Variants in LSAMP observed in about 807,000 individuals in gnomAD.
The protein encoded by LSAMP is limbic system-associated membrane protein.
In LSAMP, 7 loss-of-function variants were observed where a neutral mutation model predicts 38.6. That is an observed-to-expected ratio of 0.18 (90% CI 0.10 to 0.34). The LOEUF (loss-of-function observed/expected upper bound fraction) is 0.34. LSAMP is among the 10% of genes least tolerant of loss of function. The pLI is 1.00. For missense variants in LSAMP, 313 were observed against 420.0 expected, an observed-to-expected ratio of 0.75 and a Z score of 2.23; for synonymous variants, 154 against 166.8, an observed-to-expected ratio of 0.92 and a Z score of 0.59.
intron 3 of LSAMP, among the ~76,000 whole-genome samples, chr3:116,013,736 A>G (rs939332499): frequency 2.6e-5 from 4 of 152,226 alleles, no homozygotes; most frequent in Non-Finnish European, 5.9e-5. Context: ...TTAAAAAGTA[A>G]AAGAAAAAGT....
At chr3:115,832,244 G>A (rs1314555523) in intron 6 of LSAMP, among the ~76,000 whole-genome samples, 3 of 152,110 alleles carry the variant, frequency 2.0e-5, no homozygotes, top group Non-Finnish European at 4.4e-5. Flanking sequence ...TTTTTATAAT[G>A]GGAAGGCAGA....
At chr3:116,192,539 T>C (rs899543364) in intron 1 of LSAMP, among the ~76,000 whole-genome samples, 24 of 152,210 alleles carry the variant, frequency 1.6e-4, no homozygotes. Context: ...ATTTTCCCTG[T>C]ATCTCCCAAT....
intron 3 of LSAMP, among the ~76,000 whole-genome samples, chr3:115,862,822 G>T (rs1391876706): frequency 2.0e-5 from 3 of 152,128 alleles, no homozygotes; most frequent in Non-Finnish European, 4.4e-5. Flanking sequence ...CTCAATCTGG[G>T]CTCAGGATTT....
intron 1 of LSAMP, among the ~76,000 whole-genome samples, chr3:116,108,638 C>T (rs1468914385): frequency 1.3e-5 from 2 of 152,278 alleles, no homozygotes; most frequent in East Asian, 1.9e-4. Flanking sequence ...GGCCAGAGTT[C>T]CAGAAGCTAT....
intron 1 of LSAMP, among the ~76,000 whole-genome samples, chr3:116,139,038 A>G (rs1709315525): frequency 1.3e-5 from 2 of 151,782 alleles, no homozygotes; most frequent in South Asian, 4.1e-4. Context: ...TGCACATTAC[A>G]TATGTATATA....
intron 1 of LSAMP, among the ~76,000 whole-genome samples, chr3:116,402,045 A>G (rs1409776299): frequency 6.6e-6 from 1 of 152,230 alleles, no homozygotes; most frequent in Non-Finnish European, 1.5e-5. Flanking sequence ...AACCCAAACT[A>G]GAAAATTCAG....
chr3:115,906,277 T>C (rs756428883), intron 3 of LSAMP, among the ~76,000 whole-genome samples: 73 of 152,176 alleles, frequency 4.8e-4, no homozygotes, highest in Non-Finnish European at 1.6e-4. Context: ...GTTTCATCTA[T>C]CTGAGACCAG....
At chr3:116,163,558 C>T (rs962099066) in intron 1 of LSAMP, among the ~76,000 whole-genome samples, 2 of 151,850 alleles carry the variant, frequency 1.3e-5, no homozygotes, top group East Asian at 1.9e-4. Context: ...GTCTTTATAG[C>T]AGCATGATTT....
At chr3:116,185,546 C>G (rs972103674) in intron 1 of LSAMP, among the ~76,000 whole-genome samples, 18 of 152,020 alleles carry the variant, frequency 1.2e-4, no homozygotes, top group African/African-American at 3.9e-4. Flanking sequence ...TTCATTTATA[C>G]TCTCCTTCAT....
rs549476129 is a variant in LSAMP at position 116,218,732 on chromosome 3, G to A, written c.156-132176C>T. On this transcript the variant is annotated intron_variant, in intron 1 of 6. Coordinates refer to ENST00000490035, the MANE Select transcript of LSAMP (RefSeq NM_002338.5). ...CAGCACACTGAAGCCTCAAATTCCT[G>A]GGCTGAAGTGAACCTCCTGATCCTT... 4.7e-4 allele frequency among the ~76,000 whole-genome samples: 72 copies of A among 152,222 alleles called. 1 individual carries two copies. The South Asian group carries it at 0.015, about 31-fold the overall frequency.
intron 1 of LSAMP, among the ~76,000 whole-genome samples, chr3:116,271,486 A>G (rs751492517): frequency 3.9e-5 from 6 of 152,122 alleles, no homozygotes; most frequent in Admixed American, 1.3e-4. Context: ...ACTTGATATA[A>G]TACTCCCAGG....
At chr3:116,357,733 G>A (rs1449262962) in intron 1 of LSAMP, among the ~76,000 whole-genome samples, 26 of 152,024 alleles carry the variant, frequency 1.7e-4, no homozygotes, top group Admixed American at 1.6e-3. Flanking sequence ...CAACCATTGA[G>A]CCCAATTATC....
chr3:116,135,416 G>C (rs1374887275), intron 1 of LSAMP, among the ~76,000 whole-genome samples: 1 of 152,150 alleles, frequency 6.6e-6, no homozygotes, highest in Non-Finnish European at 1.5e-5. Context: ...AGCTCAAGTA[G>C]GTCAGATGGA....
At chr3:115,951,157 A>T (rs1938275783) in intron 3 of LSAMP, among the ~76,000 whole-genome samples, 1 of 152,246 alleles carries the variant, frequency 6.6e-6, no homozygotes, top group South Asian at 2.1e-4. Context: ...TAAGACCTGA[A>T]TCCATAAAAT....
intron 1 of LSAMP, among the ~76,000 whole-genome samples, chr3:116,338,951 C>CA (rs2047956026): frequency 6.6e-6 from 1 of 152,040 alleles, no homozygotes; most frequent in Non-Finnish European, 1.5e-5. Context: ...TAAGCTGGTA[C>CA]ACCTCCTGCT....
chr3:116,209,557 G>T (rs902310840), intron 1 of LSAMP, among the ~76,000 whole-genome samples: 38 of 152,228 alleles, frequency 2.5e-4, no homozygotes, highest in African/African-American at 8.9e-4. Context: ...TATGTTTTGT[G>T]TACACTGTGG....
chr3:116,284,512 C>CT (rs1418636230), intron 1 of LSAMP, among the ~76,000 whole-genome samples: 1 of 152,160 alleles, frequency 6.6e-6, no homozygotes, highest in East Asian at 1.9e-4. Context: ...TCATCATCTC[C>CT]AAGGCTACTA....
Position 116,011,080 on chromosome 3 carries a change from T to G in LSAMP, c.514+8435A>C, listed in dbSNP as rs182078946. 2.7e-3 allele frequency among the ~76,000 whole-genome samples: 412 copies of G among 152,012 alleles called. 2 individuals carry two copies. Among genetic ancestry groups the G allele is most frequent in the African/African-American group, 9.5e-3 (393 of 41,326 alleles). ...GTGCAGTGGCATGATCTCGGCTCAC[T>G]GCAAGCTCTGCCTCCTGGGTTCATG... On this transcript the variant is annotated intron_variant, in intron 3 of 6. Transcript: ENST00000490035.
intron 1 of LSAMP, among the ~76,000 whole-genome samples, chr3:116,422,104 G>C (rs550347022): frequency 6.6e-6 from 1 of 152,254 alleles, no homozygotes; most frequent in African/African-American, 2.4e-5. Context: ...CATTAAAAGG[G>C]AGCAAACTAT....
Sources: allele counts gnomAD v4.1 joint callset (sites outside exome capture counted in the v4.1 genomes callset), GRCh38; gene constraint gnomAD v4.1.1; transcripts MANE v1.5; gene names NCBI Gene and HGNC (gene_info 2026-07-23, HGNC 2026-07-21).